Variants in FREM1 observed in about 807,000 individuals in gnomAD.
The protein encoded by FREM1 is FRAS1-related extracellular matrix protein 1.
In FREM1, 220 loss-of-function variants were observed where a neutral mutation model predicts 210.1. The ratio of observed to expected loss-of-function variants is 1.05; its 90% CI spans 0.94 to 1.17. The LOEUF is 1.17. FREM1 is among the 50% of genes most tolerant of loss of function. The pLI is 0.00. For synonymous variants in FREM1, 1,189 were observed against 980.2 expected (o/e 1.21, Z -3.98); for missense variants, 3,454 against 2,675.5 (o/e 1.29, Z -6.42).
At chr9:14,782,074 C>A (rs956694287) in intron 24 of FREM1, among the ~76,000 whole-genome samples, 13 of 152,212 alleles carry the variant, frequency 8.5e-5, no homozygotes, top group African/African-American at 2.7e-4. Flanking sequence ...CTATTGATGG[C>A]TAGTCCTGAC....
At chr9:14,795,114 G>T (rs963008646) in intron 21 of FREM1, among the ~76,000 whole-genome samples, 3 of 152,236 alleles carry the variant, frequency 2.0e-5, no homozygotes, top group African/African-American at 7.2e-5. Context: ...ATGAATGGGG[G>T]ACTAGCTTGT....
chr9:14,891,790 T>C (rs1013612795), intron 1 of FREM1, among the ~76,000 whole-genome samples: 6 of 152,112 alleles, frequency 3.9e-5, no homozygotes, highest in African/African-American at 9.7e-5. Context: ...AGTCAAAGAA[T>C]CAACAAGTAG....
intron 25 of FREM1, among the ~76,000 whole-genome samples, chr9:14,775,316 C>A (rs1298954429): frequency 6.6e-6 from 1 of 152,122 alleles, no homozygotes; most frequent in Non-Finnish European, 1.5e-5. Context: ...GTCATTAGCA[C>A]CTATGAGGGG....
At position 14,857,687 on chromosome 9, in the gene FREM1, T is replaced by A; in HGVS notation, c.694A>T (p.Ser232Cys). ...SCTPGLKKIG[S>C]LKVSCEEFLL... is the part of the protein sequence containing the mutation. Reference sequence around the variant, plus strand: ...AACTCCTCACAGCTCACTTTGAGGCTTCCTATTTTCTTTAATCCTGGGGTA... The same window carrying A: ...AACTCCTCACAGCTCACTTTGAGGCATCCTATTTTCTTTAATCCTGGGGTA... Residue 232 changes from serine to cysteine, a missense_variant, in exon 5 of 37, where the codon AGC becomes TGC. Ser to Cys is a moderately radical substitution (Grantham distance 112). Transcript: ENST00000380880. The A allele has an allele frequency of 6.2e-7, 1 of 1,613,746 alleles. No individual in the cohort carries two copies. The highest frequency in any genetic ancestry group is 8.5e-7 in the Non-Finnish European group (1 of 1,179,752).
chr9:14,750,085 C>T, intron 30 of FREM1, 42 bp downstream of exon 30: 1 of 1,606,784 alleles, frequency 6.2e-7, no homozygotes. Context: ...AGCTACAGCG[C>T]CAGGACCGCT....
chr9:14,792,272 G>GCACA (rs34037291), intron 22 of FREM1, among the ~76,000 whole-genome samples: 7,655 of 142,056 alleles, frequency 0.054, 339 homozygotes, highest in East Asian at 0.17. Context: ...ACACACACAC[G>GCACA]CACACACACA....
In FREM1 at chr9:14,737,287, G is replaced by A. The variant is rs990816016; in HGVS notation, c.*109C>T. 2 of 707,996 alleles carry A rather than the reference G, an allele frequency of 2.8e-6. No homozygotes were observed. The highest frequency in any genetic ancestry group is 1.8e-5 in the African/African-American group (1 of 56,086). The allele number at this position is 707,996 out of a possible 1,614,324, so 43.9% of individuals were successfully genotyped here. A position where few individuals can be genotyped will look rare whatever the true frequency, so the allele number is the denominator to read the frequency against. On this transcript the variant is annotated 3_prime_UTR_variant, in exon 37 of 37. Transcript: ENST00000380880. ...CATTTTCACTAGACAGAATCACAAA[G>A]GTATACCCACTCAATCATAACAATT...
At chr9:14,755,083 C>G (rs1312148608) in intron 29 of FREM1, among the ~76,000 whole-genome samples, 3 of 152,172 alleles carry the variant, frequency 2.0e-5, no homozygotes, top group Non-Finnish European at 4.4e-5. Flanking sequence ...GGAAGAGAGG[C>G]ATGGAATCGA....
chr9:14,768,606 G>A (rs1846907108), intron 27 of FREM1, among the ~76,000 whole-genome samples: 1 of 151,958 alleles, frequency 6.6e-6, no homozygotes, highest in African/African-American at 2.4e-5. Flanking sequence ...AATAAATCTG[G>A]GCCAGGCTCT....
chr9:14,818,590 G>A (rs1377533580), intron 14 of FREM1, among the ~76,000 whole-genome samples: 1 of 152,166 alleles, frequency 6.6e-6, no homozygotes, highest in Non-Finnish European at 1.5e-5. Context: ...CAGAGAAGTT[G>A]TTTCACTAGA....
intron 27 of FREM1, among the ~76,000 whole-genome samples, chr9:14,765,946 G>C (rs1288350680): frequency 6.6e-6 from 1 of 152,198 alleles, no homozygotes; most frequent in African/African-American, 2.4e-5. Flanking sequence ...CCACAAAAGT[G>C]CTTTTCATGA....
chr9:14,900,683 A>T (rs1838629206), intron 1 of FREM1, among the ~76,000 whole-genome samples: 1 of 152,234 alleles, frequency 6.6e-6, no homozygotes, highest in South Asian at 2.1e-4. Flanking sequence ...CATCATGAGC[A>T]AACGTTTCAT....
intron 5 of FREM1, 42 bp from the exon 6 acceptor site, chr9:14,851,649 A>G: frequency 7.1e-7 from 1 of 1,409,286 alleles, no homozygotes; most frequent in South Asian, 1.2e-5. Flanking sequence ...AAATAATATG[A>G]ATGAGGTGAT....
intron 19 of FREM1, among the ~76,000 whole-genome samples, chr9:14,804,012 G>C (rs766722093): frequency 6.6e-6 from 1 of 151,992 alleles, no homozygotes; most frequent in Non-Finnish European, 1.5e-5. Context: ...TTGAGATTAG[G>C]ACAACAAAAA....
Position 14,784,404 on chromosome 9 carries a change from T to G in FREM1, c.4408A>C (p.Lys1470Gln). Residue 1470 changes from lysine to glutamine, a missense_variant, in exon 24 of 37, where the codon AAG becomes CAG. Physicochemically the swap from Lys to Gln is moderately conservative, Grantham distance 53. Transcript: ENST00000380880. ...VVGQTVCYVHKSKVTVSSDRF... is the reference protein window; with the variant it reads ...VVGQTVCYVHQSKVTVSSDRF... Reference sequence around the variant, plus strand: ...TCACTGGAGACAGTCACCTTGCTCTTGTGTACATAGCAAACTGTCTGCCCC... The same window carrying G: ...TCACTGGAGACAGTCACCTTGCTCTGGTGTACATAGCAAACTGTCTGCCCC... 2 of 1,613,888 alleles carry G rather than the reference T, an allele frequency of 1.2e-6. No individual in the cohort carries two copies. The highest frequency in any genetic ancestry group is 2.2e-5 in the South Asian group (2 of 91,064).
chr9:14,819,234 C>T lies in FREM1; in HGVS notation c.2546G>A (p.Arg849Lys). Residue 849 changes from arginine to lysine, a missense_variant and splice_region_variant, in exon 14 of 37, where the codon AGG becomes AAG. Coordinates refer to ENST00000380880, the MANE Select transcript of FREM1 (RefSeq NM_001379081.2). ...SWGDLHTLKV[R>K]YQHDGTEVLQ... is the part of the protein sequence containing the mutation. ...TAAAAAAACCATGAAATGTTCTAAC[C>T]TAACTTTTAAGGTATGGAGATCGCC... 1 of 1,599,826 alleles carries T rather than the reference C, an allele frequency of 6.3e-7. No homozygotes were observed. Among genetic ancestry groups the T allele is most frequent in the South Asian group, 1.1e-5 (1 of 89,360 alleles).
intron 10 of FREM1, among the ~76,000 whole-genome samples, chr9:14,831,098 C>A (rs1823478493): frequency 1.3e-5 from 2 of 152,172 alleles, no homozygotes; most frequent in African/African-American, 4.8e-5. Flanking sequence ...CTTCTTTTCA[C>A]TGGTGACCTT....
chr9:14,799,794 CT>C (rs779944573), intron 20 of FREM1, among the ~76,000 whole-genome samples: 14 of 150,604 alleles, frequency 9.3e-5, no homozygotes, highest in Admixed American at 3.3e-4. Flanking sequence ...GCATTTTTTT[CT>C]TTTTTTTTAT....
chr9:14,788,003 AG>A, intron 23 of FREM1, among the ~76,000 whole-genome samples: 1 of 152,346 alleles, frequency 6.6e-6, no homozygotes, highest in East Asian at 1.9e-4. Flanking sequence ...TTAAAAATTT[AG>A]GACAATTATA....
Sources: gnomAD v4.1 joint callset for allele counts (sites outside exome capture counted in the v4.1 genomes callset) on GRCh38, gnomAD v4.1.1 for gene constraint, MANE v1.5 for transcripts, NCBI Gene and HGNC (gene_info 2026-07-23, HGNC 2026-07-21) for gene names.